Variants in SORCS2 observed in about 807,000 individuals in gnomAD.
SORCS2 encodes sortilin related VPS10 domain containing receptor 2.
SORCS2 carries 100 observed loss-of-function variants against 141.6 expected under a neutral mutation model. That is an observed-to-expected ratio of 0.71 (90% CI 0.60 to 0.83). The LOEUF (loss-of-function observed/expected upper bound fraction) is 0.83. Among genes scored for constraint, SORCS2 ranks in the 40% least tolerant of loss-of-function variants. The pLI is 0.00. For missense variants in SORCS2, 1,646 were observed against 1,560.2 expected (o/e 1.05, Z -0.93); for synonymous variants, 789 against 676.9 (o/e 1.17, Z -2.57).
At chr4:7,293,272 C>G (rs901629316) in intron 1 of SORCS2, among the ~76,000 whole-genome samples, 3 of 151,214 alleles carry the variant, frequency 2.0e-5, no homozygotes, top group African/African-American at 7.3e-5. Context: ...CCACTGCACT[C>G]TAGCCTGGGC....
At position 7,265,097 on chromosome 4, in the gene SORCS2, G is replaced by T. The variant is rs534209274; in HGVS notation, c.480+71971G>T. ...CATGGGACTTCTGCTCCATTCGGGG[G>T]TGTGTTAATGTCCCGTGGCTGCCGT... On this transcript the variant is annotated intron_variant, in intron 1 of 26. Coordinates refer to ENST00000507866, the MANE Select transcript of SORCS2 (RefSeq NM_020777.3). Among the ~76,000 whole-genome samples, 3 of 152,360 alleles carry T rather than the reference G, an allele frequency of 2.0e-5. No homozygotes were observed. In the South Asian group the frequency reaches 6.2e-4, roughly 32 times the overall value.
intron 1 of SORCS2, among the ~76,000 whole-genome samples, chr4:7,210,118 G>C (rs950805372): frequency 6.6e-6 from 1 of 152,248 alleles, no homozygotes; most frequent in African/African-American, 2.4e-5. Context: ...GTCTCTCAGA[G>C]GAGGTGGCAT....
chr4:7,654,037 C>A, intron 4 of SORCS2, 97 bp from the exon 5 acceptor site: 1 of 1,165,594 alleles, frequency 8.6e-7, no homozygotes, highest in Non-Finnish European at 1.2e-6. Flanking sequence ...ATGACTTCTC[C>A]TGGGGGATCT....
intron 1 of SORCS2, among the ~76,000 whole-genome samples, chr4:7,379,965 T>A (rs1722887850): frequency 6.6e-6 from 1 of 152,302 alleles, no homozygotes; most frequent in Non-Finnish European, 1.5e-5. Context: ...TGGCTCCCCA[T>A]CCCCAGTCTG....
At position 7,244,797 on chromosome 4, in the gene SORCS2, C is replaced by T. The variant is rs141763282; in HGVS notation, c.480+51671C>T. Reference sequence around the variant, plus strand: ...GCCATTGGGAAAAGGAGGCTGCAGCCGGGACAGGCTGCTCAGCAGCTTTTG... The same window carrying T: ...GCCATTGGGAAAAGGAGGCTGCAGCTGGGACAGGCTGCTCAGCAGCTTTTG... On this transcript the variant is annotated intron_variant, in intron 1 of 26. Coordinates refer to ENST00000507866, the MANE Select transcript of SORCS2 (RefSeq NM_020777.3). Among the ~76,000 whole-genome samples the T allele has an allele frequency of 5.9e-5, 9 of 152,286 alleles. No homozygotes were observed. In the Middle Eastern group the frequency reaches 0.01, roughly 173 times the overall value.
intron 3 of SORCS2, among the ~76,000 whole-genome samples, chr4:7,562,460 A>C (rs1383367451): frequency 6.6e-6 from 1 of 152,112 alleles, no homozygotes; most frequent in African/African-American, 2.4e-5. Flanking sequence ...GGGAGTTTGG[A>C]TTCTACTCAA....
intron 3 of SORCS2, among the ~76,000 whole-genome samples, chr4:7,557,489 G>A (rs995359314): frequency 8.5e-5 from 13 of 152,202 alleles, no homozygotes; most frequent in African/African-American, 3.1e-4. Context: ...GCCACGCAAG[G>A]ATTCGTTCTC....
intron 3 of SORCS2, among the ~76,000 whole-genome samples, chr4:7,543,723 T>C (rs1283010633): frequency 1.4e-5 from 1 of 73,578 alleles, no homozygotes; most frequent in African/African-American, 5.3e-5. Context: ...CATCCACCCA[T>C]CCACCCATCC....
At chr4:7,599,432 G>C (rs564978483) in intron 3 of SORCS2, among the ~76,000 whole-genome samples, 23 of 152,336 alleles carry the variant, frequency 1.5e-4, no homozygotes, top group Non-Finnish European at 2.9e-4. Context: ...TGATCTTTGG[G>C]AGACAGGTTT....
chr4:7,310,441 A>T (rs955370065), intron 1 of SORCS2: 2 of 154,352 alleles, frequency 1.3e-5, no homozygotes, highest in Non-Finnish European at 2.9e-5. Context: ...ATACATTTTC[A>T]TAATAATGAA....
chr4:7,735,036 C>T (rs568251477), intron 25 of SORCS2, among the ~76,000 whole-genome samples: 45 of 152,300 alleles, frequency 3.0e-4, no homozygotes, highest in African/African-American at 9.9e-4. Flanking sequence ...CGCTGGGACG[C>T]GTCATGGCCA....
chr4:7,567,632 G>A (rs1187780030), intron 3 of SORCS2, among the ~76,000 whole-genome samples: 2 of 152,106 alleles, frequency 1.3e-5, no homozygotes, highest in African/African-American at 4.8e-5. Context: ...TGTTTGCCAG[G>A]CTTCTCCACC....
rs556399243 is a variant in SORCS2 at position 7,205,770 on chromosome 4, C to T, written c.480+12644C>T. ...AGAAATAATGCCCTGAGGCCGGACG[C>T]GGTGGCTCACGCCCGGAATCCCAGC... On this transcript the variant is annotated intron_variant, in intron 1 of 26. Coordinates refer to ENST00000507866, the MANE Select transcript of SORCS2 (RefSeq NM_020777.3). Among the ~76,000 whole-genome samples the T allele has an allele frequency of 1.6e-4, 25 of 152,304 alleles. No homozygotes were observed. In the East Asian group the frequency reaches 4.1e-3, roughly 25 times the overall value.
At chr4:7,714,450 G>C in intron 16 of SORCS2, 77 bp downstream of exon 16, 5 of 1,461,312 alleles carry the variant, frequency 3.4e-6, no homozygotes, top group Non-Finnish European at 4.6e-6. Context: ...ACTTCCCTCA[G>C]AGTGAGGGAG....
chr4:7,377,903 T>TG (rs1722760682), intron 1 of SORCS2, among the ~76,000 whole-genome samples: 1 of 152,246 alleles, frequency 6.6e-6, no homozygotes, highest in African/African-American at 2.4e-5. Context: ...GAGTTCACCC[T>TG]GGGGAGATCT....
chr4:7,258,149 A>T lies in SORCS2; in HGVS notation c.480+65023A>T, dbSNP rs541203386. 1.3e-4 allele frequency among the ~76,000 whole-genome samples: 20 copies of T among 152,192 alleles called. No individual in the cohort carries two copies. In the East Asian group the frequency reaches 1.3e-3, roughly 10 times the overall value. ...TGATTATCCCTTTCTTTTTAAAAAA[A>T]TTTTTTTTTAAAATTATACTTTAAG... On this transcript the variant is annotated intron_variant, in intron 1 of 26. Coordinates refer to ENST00000507866, the MANE Select transcript of SORCS2 (RefSeq NM_020777.3).
Position 7,352,646 on chromosome 4 carries a change from G to A in SORCS2, c.481-43642G>A, listed in dbSNP as rs115636525. Among the ~76,000 whole-genome samples the A allele has an allele frequency of 5.8e-3, 885 of 152,312 alleles. 8 individuals are homozygous for A. The highest frequency in any genetic ancestry group is 0.019 in the African/African-American group (806 of 41,558). On this transcript the variant is annotated intron_variant, in intron 1 of 26. Transcript: ENST00000507866. ...CATCTGCTTGGGCTCCAGGCTCTGC[G>A]TCACATGCTCACTTAGTGAGCTCAC... is the stretch of plus-strand genomic sequence containing the variant.
chr4:7,546,019 C>T (rs1713235433), intron 3 of SORCS2, among the ~76,000 whole-genome samples: 1 of 152,182 alleles, frequency 6.6e-6, no homozygotes, highest in African/African-American at 2.4e-5. Context: ...GCTCTCTGGC[C>T]TCTTCTTACC....
At chr4:7,724,297 GGTGACAAT>G (rs1726866370) in intron 19 of SORCS2, among the ~76,000 whole-genome samples, 1 of 121,950 alleles carries the variant, frequency 8.2e-6, no homozygotes, top group African/African-American at 3.1e-5. Context: ...TGGTGATAAT[GGTGACAAT>G]GGTGGTGGTG....
Sources: gnomAD v4.1 joint callset for allele counts (sites outside exome capture counted in the v4.1 genomes callset) on GRCh38, gnomAD v4.1.1 for gene constraint, MANE v1.5 for transcripts, NCBI Gene and HGNC (gene_info 2026-07-23, HGNC 2026-07-21) for gene names.